Variants in THSD7B observed in about 807,000 individuals in gnomAD.
THSD7B encodes the protein thrombospondin type 1 domain containing 7B, also known as thrombospondin type-1 domain-containing protein 7B.
In THSD7B, 138 loss-of-function variants were observed where a neutral mutation model predicts 213.6. That is an observed-to-expected ratio of 0.65 (90% CI 0.56 to 0.74). The LOEUF is 0.74. THSD7B is among the 30% of genes least tolerant of loss of function. The pLI, the probability that THSD7B is intolerant of heterozygous loss-of-function variation, is 0.00. For synonymous variants in THSD7B, 742 were observed against 687.0 expected (o/e 1.08, Z -1.25); for missense variants, 1,931 against 1,991.5 (o/e 0.97, Z 0.58).
At chr2:137,386,179 G>A (rs1161705767) in intron 12 of THSD7B, among the ~76,000 whole-genome samples, 1 of 152,324 alleles carries the variant, frequency 6.6e-6, no homozygotes, top group East Asian at 1.9e-4. Flanking sequence ...GTCCTACTCA[G>A]CATTTGTGCA....
intron 10 of THSD7B, among the ~76,000 whole-genome samples, chr2:137,251,957 C>A (rs1682187624): frequency 6.6e-6 from 1 of 152,026 alleles, no homozygotes; most frequent in Non-Finnish European, 1.5e-5. Flanking sequence ...GATCAAAGAA[C>A]TTTAAGCTAC....
intron 2 of THSD7B, among the ~76,000 whole-genome samples, chr2:136,972,508 TAAAACCACA>T (rs530861587): frequency 3.9e-5 from 6 of 152,158 alleles, no homozygotes; most frequent in Non-Finnish European, 7.4e-5. Context: ...ACATAGAAAA[TAAAACCACA>T]AATATTAAGC....
At chr2:137,045,569 C>T (rs1686955116) in intron 2 of THSD7B, among the ~76,000 whole-genome samples, 1 of 152,144 alleles carries the variant, frequency 6.6e-6, no homozygotes, top group Non-Finnish European at 1.5e-5. Context: ...GTAACTAAAA[C>T]CACAAAAAGT....
intron 14 of THSD7B, among the ~76,000 whole-genome samples, chr2:137,440,607 A>G (rs901404007): frequency 3.3e-5 from 5 of 152,114 alleles, no homozygotes; most frequent in Admixed American, 6.6e-5. Flanking sequence ...AATTGTTGCT[A>G]TGCTGGAATG....
chr2:136,803,004 T>C (rs931787644), intron 1 of THSD7B, among the ~76,000 whole-genome samples: 28 of 151,950 alleles, frequency 1.8e-4, no homozygotes, highest in Non-Finnish European at 1.0e-4. Flanking sequence ...TCATAAAAAT[T>C]ATAAGCCATG....
chr2:136,986,471 CCCTCACCAGAAA>C (rs1335367122), intron 2 of THSD7B, among the ~76,000 whole-genome samples: 1 of 152,166 alleles, frequency 6.6e-6, no homozygotes, highest in Non-Finnish European at 1.5e-5. Flanking sequence ...TATCCTGAGG[CCCTCACCAGAAA>C]CAGATGCTGG....
intron 4 of THSD7B, among the ~76,000 whole-genome samples, chr2:137,111,123 TAGGTGACCAC>T (rs1688339011): frequency 6.6e-6 from 1 of 152,238 alleles, no homozygotes; most frequent in African/African-American, 2.4e-5. Context: ...AATGCATCCC[TAGGTGACCAC>T]AGGGCTCTCA....
chr2:137,430,095 A>G (rs756706874), intron 14 of THSD7B, among the ~76,000 whole-genome samples: 37 of 151,904 alleles, frequency 2.4e-4, no homozygotes, highest in Non-Finnish European at 4.4e-4. Flanking sequence ...TTTTAAAAAG[A>G]AGTTAGCTGG....
intron 2 of THSD7B, among the ~76,000 whole-genome samples, chr2:136,956,115 T>C (rs2105078305): frequency 1.3e-5 from 2 of 152,334 alleles, no homozygotes; most frequent in Middle Eastern, 6.8e-3. Flanking sequence ...AGTAGAAATT[T>C]AATAAATCTG....
chr2:137,499,279 T>C (rs1398119354), intron 15 of THSD7B, among the ~76,000 whole-genome samples: 2 of 152,206 alleles, frequency 1.3e-5, no homozygotes, highest in East Asian at 3.9e-4. Context: ...TCTCAATGGT[T>C]CATTGTAAAT....
chr2:137,037,522 C>T (rs1007039892), intron 2 of THSD7B, among the ~76,000 whole-genome samples: 2 of 151,770 alleles, frequency 1.3e-5, no homozygotes, highest in Non-Finnish European at 2.9e-5. Flanking sequence ...CATGTAAATG[C>T]AGTCCGCTGT....
At chr2:137,647,370 G>C (rs1683052838) in intron 21 of THSD7B, among the ~76,000 whole-genome samples, 1 of 151,320 alleles carries the variant, frequency 6.6e-6, no homozygotes, top group Admixed American at 6.6e-5. Context: ...GATGCAAAAA[G>C]ACTGGGAAGT....
intron 1 of THSD7B, among the ~76,000 whole-genome samples, chr2:136,874,286 A>G (rs1005456034): frequency 1.3e-5 from 2 of 152,216 alleles, no homozygotes; most frequent in African/African-American, 4.8e-5. Flanking sequence ...GGGGCATAAT[A>G]TGAATAACTA....
rs77061605 is a variant in THSD7B, at chr2:136,804,778, A to G, written c.-36+39091A>G. 7.0e-4 allele frequency among the ~76,000 whole-genome samples: 106 copies of G among 152,282 alleles called. No individual in the cohort carries two copies. In the East Asian group the frequency reaches 0.018, roughly 26 times the overall value. ...GGGTACTTCAAAAATCTCCTTAAGTAAAAAAGCTTGCTTAATTATTAAGGA... is the reference window on the plus strand; with the variant it reads ...GGGTACTTCAAAAATCTCCTTAAGTGAAAAAGCTTGCTTAATTATTAAGGA... On this transcript the variant is annotated intron_variant, in intron 1 of 27. Coordinates refer to ENST00000409968, the MANE Select transcript of THSD7B (RefSeq NM_001316349.2).
intron 1 of THSD7B, among the ~76,000 whole-genome samples, chr2:136,869,485 C>T (rs1333025259): frequency 3.3e-5 from 5 of 152,136 alleles, no homozygotes; most frequent in Admixed American, 1.3e-4. Flanking sequence ...GATTTTCCAC[C>T]TTAAATGCAA....
chr2:137,064,704 A>G (rs1687343799), intron 3 of THSD7B, among the ~76,000 whole-genome samples: 1 of 152,046 alleles, frequency 6.6e-6, no homozygotes, highest in Admixed American at 6.6e-5. Flanking sequence ...ATAGGGGTCT[A>G]GTTTCATTCT....
chr2:136,984,231 A>G (rs1685633348), intron 2 of THSD7B, among the ~76,000 whole-genome samples: 1 of 152,118 alleles, frequency 6.6e-6, no homozygotes, highest in African/African-American at 2.4e-5. Context: ...TGGAATGGAC[A>G]GGTTTGTTGA....
At chr2:137,131,192 T>C (rs549766971) in intron 5 of THSD7B, among the ~76,000 whole-genome samples, 139 of 148,300 alleles carry the variant, frequency 9.4e-4, no homozygotes, top group African/African-American at 3.2e-3. Context: ...GAGAAGTGTC[T>C]GTTCATGTCC....
chr2:137,198,873 T>C (rs1680819772), intron 7 of THSD7B, among the ~76,000 whole-genome samples: 2 of 152,198 alleles, frequency 1.3e-5, no homozygotes, highest in African/African-American at 4.8e-5. Flanking sequence ...GTTGCTGTTT[T>C]ACCCTTATTA....
Sources: gnomAD v4.1 joint callset for allele counts (sites outside exome capture counted in the v4.1 genomes callset) on GRCh38, gnomAD v4.1.1 for gene constraint, MANE v1.5 for transcripts, NCBI Gene and HGNC (gene_info 2026-07-23, HGNC 2026-07-21) for gene names.